The following SH3KBP1 variants were observed in gnomAD, a reference collection of about 807,000 sequenced individuals.
SH3KBP1 encodes the protein SH3 domain containing kinase binding protein 1.
In SH3KBP1, 8 loss-of-function variants were observed where a neutral mutation model predicts 50.1. The ratio of observed to expected loss-of-function variants is 0.16; its 90% CI spans 0.09 to 0.29. The LOEUF is 0.29. SH3KBP1 is among the 10% of genes least tolerant of loss of function. The pLI, the probability that SH3KBP1 is intolerant of heterozygous loss-of-function variation, is 1.00. For missense variants in SH3KBP1, 377 were observed against 535.2 expected, an observed-to-expected ratio of 0.70 and a Z score of 2.92; for synonymous variants, 227 against 218.6, an observed-to-expected ratio of 1.04 and a Z score of -0.34.
At chrX:19,670,353 C>T (rs1367020059) in intron 6 of SH3KBP1, 2 of 751,753 alleles carry the variant, frequency 2.7e-6, no homozygotes, top group Non-Finnish European at 3.1e-6. Flanking sequence ...TGTCGGTGAC[C>T]CTCAAGAGTG....
intron 7 of SH3KBP1, among the ~76,000 whole-genome samples, chrX:19,643,303 T>TTTTTG (rs2061908423): frequency 1.1e-5 from 1 of 90,321 alleles, no homozygotes; most frequent in Non-Finnish European, 2.0e-5. Flanking sequence ...CTGAAGAATT[T>TTTTTG]TTTATTTTTT....
chrX:19,621,840 G>A (rs1487858208), intron 8 of SH3KBP1, among the ~76,000 whole-genome samples: 2 of 111,277 alleles, frequency 1.8e-5, no homozygotes, highest in Non-Finnish European at 3.8e-5. Flanking sequence ...TCTAGGATAT[G>A]AGGATCCTTA....
At chrX:19,849,765 C>A (rs1425613394) in intron 1 of SH3KBP1, among the ~76,000 whole-genome samples, 1 of 106,081 alleles carries the variant, frequency 9.4e-6, no homozygotes, top group East Asian at 2.9e-4. Flanking sequence ...TTCAAACAAA[C>A]ACCTTTTAAA....
intron 6 of SH3KBP1, among the ~76,000 whole-genome samples, chrX:19,672,487 T>C (rs1023955074): frequency 8.9e-6 from 1 of 111,981 alleles, no homozygotes; most frequent in Non-Finnish European, 1.9e-5. Flanking sequence ...GGAATTAATA[T>C]GATGTAATGA....
intron 16 of SH3KBP1, among the ~76,000 whole-genome samples, chrX:19,541,597 A>G (rs1229103074): frequency 7.1e-5 from 8 of 112,434 alleles, no homozygotes; most frequent in Non-Finnish European, 9.4e-5. Context: ...TGGTTCATGT[A>G]CATACTGTAT....
intron 2 of SH3KBP1, 26 bp from the exon 3 acceptor site, chrX:19,746,467 A>C: frequency 8.5e-7 from 1 of 1,181,143 alleles, no homozygotes; most frequent in African/African-American, 1.8e-5. Context: ...AAAGGAAAAC[A>C]AGATTATAGT....
chrX:19,693,994 G>A (rs1276861154), intron 5 of SH3KBP1, among the ~76,000 whole-genome samples: 15 of 112,071 alleles, frequency 1.3e-4, no homozygotes, highest in South Asian at 7.4e-4. Flanking sequence ...ACATGCTATC[G>A]CTCAGTATGC....
chrX:19,754,852 A>C (rs1317390453), intron 2 of SH3KBP1, among the ~76,000 whole-genome samples: 1 of 111,954 alleles, frequency 8.9e-6, no homozygotes, highest in Admixed American at 9.5e-5. Context: ...GGAGAAGATG[A>C]TACAGTAAGA....
chrX:19,566,604 G>A (rs558137218), intron 13 of SH3KBP1, among the ~76,000 whole-genome samples: 11 of 111,379 alleles, frequency 9.9e-5, no homozygotes, highest in Admixed American at 3.8e-4. Flanking sequence ...TGGTAGAACC[G>A]GAACTTAGGC....
intron 13 of SH3KBP1, among the ~76,000 whole-genome samples, chrX:19,567,545 A>ATATAT (rs2065882841): frequency 1.4e-5 from 1 of 72,220 alleles, no homozygotes; most frequent in African/African-American, 7.1e-5. Flanking sequence ...AAAAAAAAAA[A>ATATAT]AAAAAAAAAA....
chrX:19,741,232 A>T (rs1340491719), intron 3 of SH3KBP1, among the ~76,000 whole-genome samples: 2 of 112,119 alleles, frequency 1.8e-5, no homozygotes, highest in African/African-American at 6.5e-5. Flanking sequence ...TCATACCCAC[A>T]TATCAATTCA....
intron 15 of SH3KBP1, among the ~76,000 whole-genome samples, chrX:19,543,010 G>A (rs985204949): frequency 8.9e-6 from 1 of 112,198 alleles, no homozygotes; most frequent in Non-Finnish European, 1.9e-5. Context: ...CACAACGTAA[G>A]CTAGAAGCGG....
intron 6 of SH3KBP1, among the ~76,000 whole-genome samples, chrX:19,678,596 A>T (rs1170907293): frequency 1.8e-5 from 2 of 111,023 alleles, no homozygotes; most frequent in African/African-American, 6.6e-5. Flanking sequence ...TTCAATAAAC[A>T]GTGCTGGGTC....
chrX:19,771,769 CAGG>C (rs1199156257), intron 2 of SH3KBP1, among the ~76,000 whole-genome samples: 2 of 105,706 alleles, frequency 1.9e-5, no homozygotes, highest in Non-Finnish European at 1.9e-5. Context: ...GAGGCTGAGG[CAGG>C]AGAATTGCTT....
chrX:19,843,236 T>G (rs1455801685), intron 1 of SH3KBP1, among the ~76,000 whole-genome samples: 1 of 109,288 alleles, frequency 9.2e-6, no homozygotes, highest in Non-Finnish European at 1.9e-5. Context: ...GTCAGGCTGG[T>G]CTCGAACTCC....
intron 8 of SH3KBP1, 117 bp from the exon 9 acceptor site, chrX:19,608,162 T>C: frequency 1.8e-6 from 1 of 545,110 alleles, no homozygotes; most frequent in Non-Finnish European, 2.9e-6. Flanking sequence ...AATGAGGCAA[T>C]GGTTACCAAG....
At chrX:19,625,974 T>C (rs940132719) in intron 8 of SH3KBP1, among the ~76,000 whole-genome samples, 2 of 111,543 alleles carry the variant, frequency 1.8e-5, no homozygotes, top group Non-Finnish European at 3.8e-5. Flanking sequence ...TCCTCCTTTG[T>C]AATCTGCAGA....
At chrX:19,876,665 T>C (rs1245639744) in intron 1 of SH3KBP1, among the ~76,000 whole-genome samples, 2 of 111,411 alleles carry the variant, frequency 1.8e-5, no homozygotes, top group African/African-American at 6.5e-5. Context: ...GGTATACATA[T>C]GAAAGCTCCC....
chrX:19,687,779 G>A, intron 5 of SH3KBP1: 1 of 694,134 alleles, frequency 1.4e-6, no homozygotes, highest in Non-Finnish European at 2.3e-6. Flanking sequence ...GGAAGAGGAA[G>A]AGTCTTTAAC....
Sources: allele counts gnomAD v4.1 joint callset (sites outside exome capture counted in the v4.1 genomes callset), GRCh38; gene constraint gnomAD v4.1.1; transcripts MANE v1.5; gene names NCBI Gene and HGNC (gene_info 2026-07-23, HGNC 2026-07-21).